The following ANKRD13C variants were observed in gnomAD, a reference collection of about 807,000 sequenced individuals.
ANKRD13C encodes ankyrin repeat domain 13C, also known as ankyrin repeat domain-containing protein 13C.
ANKRD13C carries 16 observed loss-of-function variants against 65.5 expected under a neutral mutation model. The ratio of observed to expected loss-of-function variants is 0.24; its 90% CI spans 0.17 to 0.37. The LOEUF is 0.37. Among genes scored for constraint, ANKRD13C ranks in the 10% least tolerant of loss-of-function variants. The probability of loss-of-function intolerance (pLI) is 1.00; values close to 1 mark genes in which losing one functional copy is unlikely to be tolerated. For missense variants in ANKRD13C, 503 were observed against 655.9 expected (o/e 0.77, Z 2.55); for synonymous variants, 235 against 238.7 (o/e 0.98, Z 0.14).
At chr1:70,298,400 AAAC>A (rs1335958349) in intron 7 of ANKRD13C, among the ~76,000 whole-genome samples, 1 of 152,210 alleles carries the variant, frequency 6.6e-6, no homozygotes, top group African/African-American at 2.4e-5. Context: ...ATATTAGGAT[AAAC>A]AACAAGTATT....
At chr1:70,301,181 A>ATATATATATACACATATG (rs1408894232) in intron 6 of ANKRD13C, among the ~76,000 whole-genome samples, 10 of 145,584 alleles carry the variant, frequency 6.9e-5, no homozygotes, top group African/African-American at 2.6e-4. Flanking sequence ...ACACACACAT[A>ATATATATATACACATATG]TATATATATA....
intron 3 of ANKRD13C, among the ~76,000 whole-genome samples, chr1:70,323,634 G>A (rs575294852): frequency 5.3e-4 from 80 of 150,948 alleles, no homozygotes; most frequent in South Asian, 2.5e-3. Context: ...GTGACAGGGC[G>A]AGACTCCCTC....
intron 12 of ANKRD13C, among the ~76,000 whole-genome samples, chr1:70,267,644 T>C (rs1678688614): frequency 6.6e-6 from 1 of 152,250 alleles, no homozygotes; most frequent in South Asian, 2.1e-4. Flanking sequence ...TTAGGTCTGC[T>C]ATTTTATTTT....
At chr1:70,331,452 T>C (rs1251106553) in intron 2 of ANKRD13C, among the ~76,000 whole-genome samples, 1 of 151,508 alleles carries the variant, frequency 6.6e-6, no homozygotes, top group Non-Finnish European at 1.5e-5. Flanking sequence ...TCCCAGCTAC[T>C]ACTAAATGAA....
At position 70,287,568 on chromosome 1, in the gene ANKRD13C, T is replaced by C. The variant is rs148415432; in HGVS notation, c.1215+4820A>G. 3.8e-3 allele frequency among the ~76,000 whole-genome samples: 577 copies of C among 152,152 alleles called. 5 individuals carry two copies. Among genetic ancestry groups the C allele is most frequent in the Middle Eastern group, 0.017 (5 of 294 alleles). On this transcript the variant is annotated intron_variant, in intron 9 of 12. Coordinates refer to ENST00000370944, the MANE Select transcript of ANKRD13C (RefSeq NM_030816.5). ...CTCAGATTTGGCATGTGACATAAGATAAAAAATGATAAATTCGATGTCATC... is the reference window on the plus strand; with the variant it reads ...CTCAGATTTGGCATGTGACATAAGACAAAAAATGATAAATTCGATGTCATC...
intron 11 of ANKRD13C, among the ~76,000 whole-genome samples, chr1:70,271,928 T>C (rs150024437): frequency 6.6e-5 from 10 of 152,366 alleles, no homozygotes; most frequent in African/African-American, 2.4e-4. Context: ...CTTTAATCTC[T>C]TCTACTGAAT....
intron 8 of ANKRD13C, among the ~76,000 whole-genome samples, chr1:70,295,748 G>C (rs543621572): frequency 6.6e-6 from 1 of 152,238 alleles, no homozygotes; most frequent in Middle Eastern, 3.4e-3. Flanking sequence ...AAGTAAATGA[G>C]AAGTCTAAAG....
intron 11 of ANKRD13C, among the ~76,000 whole-genome samples, chr1:70,272,476 T>C (rs957542814): frequency 3.3e-5 from 5 of 152,032 alleles, no homozygotes; most frequent in Non-Finnish European, 5.9e-5. Context: ...CGCCTCAGCC[T>C]CCCAAACTGC....
rs991219562 is a variant in ANKRD13C, at chr1:70,260,056, C to T, written c.*2661G>A. Reference sequence around the variant, plus strand: ...GTGAATAATAAACTGTATGTGAATACTACTATAAAAACCCATTTTTATTAG... The same window carrying T: ...GTGAATAATAAACTGTATGTGAATATTACTATAAAAACCCATTTTTATTAG... On this transcript the variant is annotated 3_prime_UTR_variant, in exon 13 of 13. Coordinates refer to ENST00000370944, the MANE Select transcript of ANKRD13C (RefSeq NM_030816.5). Among the ~76,000 whole-genome samples the T allele has an allele frequency of 6.6e-6, 1 of 152,112 alleles. No homozygotes were observed. Among genetic ancestry groups the T allele is most frequent in the African/African-American group, 2.4e-5 (1 of 41,434 alleles).
intron 1 of ANKRD13C, among the ~76,000 whole-genome samples, chr1:70,344,821 T>C (rs1036530605): frequency 6.6e-6 from 1 of 152,004 alleles, no homozygotes; most frequent in Middle Eastern, 3.2e-3. Flanking sequence ...ATATTTATCA[T>C]ATTAGAAATT....
At chr1:70,341,063 T>C (rs1682285431) in intron 1 of ANKRD13C, among the ~76,000 whole-genome samples, 1 of 152,124 alleles carries the variant, frequency 6.6e-6, no homozygotes, top group Non-Finnish European at 1.5e-5. Flanking sequence ...TCAGCCAAGA[T>C]CACGCCACTT....
intron 1 of ANKRD13C, among the ~76,000 whole-genome samples, chr1:70,340,840 C>T (rs1431966301): frequency 1.3e-5 from 2 of 152,134 alleles, no homozygotes; most frequent in South Asian, 2.1e-4. Flanking sequence ...GGGGCGGGCA[C>T]GGTGGCTCAT....
chr1:70,309,715 CAAAAA>C (rs1165416550), intron 5 of ANKRD13C, among the ~76,000 whole-genome samples: 2 of 138,842 alleles, frequency 1.4e-5, no homozygotes, highest in South Asian at 2.3e-4. Flanking sequence ...GACTCCGTCG[CAAAAA>C]AAAAAAAAAA....
intron 9 of ANKRD13C, among the ~76,000 whole-genome samples, chr1:70,277,206 C>T (rs1431076365): frequency 6.6e-6 from 1 of 152,094 alleles, no homozygotes; most frequent in Non-Finnish European, 1.5e-5. Flanking sequence ...GCCGGTAATC[C>T]CAGCACTTTG....
chr1:70,260,607 T>C lies in ANKRD13C; in HGVS notation c.*2110A>G, dbSNP rs1274724238. 6.6e-6 allele frequency: 1 copy of C among 152,176 alleles called. No individual in the cohort carries two copies. The highest frequency in any genetic ancestry group is 1.5e-5 in the Non-Finnish European group (1 of 67,982). 9.4% of individuals were successfully genotyped at this position (152,176 alleles called of 1,614,324 possible). A position where few individuals can be genotyped will look rare whatever the true frequency, so the allele number is the denominator to read the frequency against. On this transcript the variant is annotated 3_prime_UTR_variant, in exon 13 of 13. Coordinates refer to ENST00000370944, the MANE Select transcript of ANKRD13C (RefSeq NM_030816.5). The stretch of plus-strand genomic sequence containing the variant: ...AAAATCTTCATTAAAAGTAATACTG[T>C]GAAAAGTTTATTTGCATCGATTAAT...
rs1385528098 is a variant in ANKRD13C, at chr1:70,261,233, G to A, written c.*1484C>T. Reference sequence around the variant, plus strand: ...ACGCAATGCATGTATCAGTATGGAAGATGCAGCTTTAAAGATGTTTATTTA... The same window carrying A: ...ACGCAATGCATGTATCAGTATGGAAAATGCAGCTTTAAAGATGTTTATTTA... On this transcript the variant is annotated 3_prime_UTR_variant, in exon 13 of 13. Transcript: ENST00000370944. 6.6e-6 allele frequency: 1 copy of A among 152,058 alleles called. No individual in the cohort carries two copies. Among genetic ancestry groups the A allele is most frequent in the Admixed American group, 6.6e-5 (1 of 15,256 alleles). 9.4% of individuals were successfully genotyped at this position (152,058 alleles called of 1,614,324 possible).
At chr1:70,271,141 A>G (rs1473262992) in intron 11 of ANKRD13C, among the ~76,000 whole-genome samples, 185 bp from the exon 12 acceptor site, 1 of 152,178 alleles carries the variant, frequency 6.6e-6, no homozygotes, top group East Asian at 1.9e-4. Flanking sequence ...TTGATTGTGC[A>G]GCCATAATTT....
chr1:70,334,705 A>G (rs1232412121), intron 2 of ANKRD13C, among the ~76,000 whole-genome samples: 1 of 152,044 alleles, frequency 6.6e-6, no homozygotes, highest in Non-Finnish European at 1.5e-5. Flanking sequence ...CGGGTGGATC[A>G]CCTGAGGTCG....
At chr1:70,276,881 GAGAA>G (rs779406048) in intron 9 of ANKRD13C, 37 bp from the exon 10 acceptor site, 82 of 1,454,914 alleles carry the variant, frequency 5.6e-5, no homozygotes, top group Middle Eastern at 1.8e-4. Context: ...TGGGGTGGGG[GAGAA>G]AGAAAGATGT....
Sources: allele counts gnomAD v4.1 joint callset (sites outside exome capture counted in the v4.1 genomes callset), GRCh38; gene constraint gnomAD v4.1.1; transcripts MANE v1.5; gene names NCBI Gene and HGNC (gene_info 2026-07-23, HGNC 2026-07-21).